Variants in TMEM132D observed in about 807,000 individuals in gnomAD.
The protein encoded by TMEM132D is transmembrane protein 132D.
TMEM132D carries 21 observed loss-of-function variants against 62.3 expected under a neutral mutation model. The observed-to-expected ratio is 0.34, with a 90% CI of 0.24 to 0.49. The LOEUF (loss-of-function observed/expected upper bound fraction) is 0.49. Among genes scored for constraint, TMEM132D ranks in the 20% least tolerant of loss-of-function variants. TMEM132D has a pLI of 0.99. For missense variants in TMEM132D, 1,346 were observed against 1,402.8 expected, an observed-to-expected ratio of 0.96 and a Z score of 0.65; for synonymous variants, 621 against 575.6, an observed-to-expected ratio of 1.08 and a Z score of -1.13.
intron 3 of TMEM132D, among the ~76,000 whole-genome samples, chr12:129,372,927 T>C (rs1870659679): frequency 6.6e-6 from 1 of 152,188 alleles, no homozygotes. Flanking sequence ...GGAAAAATTG[T>C]CTTCCACGAA....
intron 1 of TMEM132D, among the ~76,000 whole-genome samples, chr12:129,895,600 T>C (rs932469758): frequency 5.9e-5 from 9 of 152,246 alleles, no homozygotes; most frequent in Admixed American, 4.6e-4. Flanking sequence ...ATTTGAGCCA[T>C]GCTCGGGCAT....
intron 4 of TMEM132D, among the ~76,000 whole-genome samples, chr12:129,255,895 C>A (rs1880387639): frequency 6.6e-6 from 1 of 152,192 alleles, no homozygotes. Context: ...TATTCAAGAA[C>A]CAATTGCTAT....
At chr12:129,184,415 A>G (rs1878161899) in intron 5 of TMEM132D, among the ~76,000 whole-genome samples, 1 of 152,180 alleles carries the variant, frequency 6.6e-6, no homozygotes, top group Admixed American at 6.5e-5. Context: ...GGCTGTTTAC[A>G]AACAAAACAG....
At chr12:129,161,560 T>C (rs750208517) in intron 5 of TMEM132D, among the ~76,000 whole-genome samples, 1 of 152,246 alleles carries the variant, frequency 6.6e-6, no homozygotes, top group Non-Finnish European at 1.5e-5. Flanking sequence ...AGTAATTTCC[T>C]AAATCTATCA....
At chr12:129,780,596 G>A (rs1871091634) in intron 1 of TMEM132D, among the ~76,000 whole-genome samples, 1 of 152,006 alleles carries the variant, frequency 6.6e-6, no homozygotes, top group Admixed American at 6.6e-5. Context: ...TGCTTTACTT[G>A]CCTGGCTTTG....
At chr12:129,607,955 C>T (rs543922386) in intron 2 of TMEM132D, among the ~76,000 whole-genome samples, 23 of 152,260 alleles carry the variant, frequency 1.5e-4, no homozygotes, top group African/African-American at 5.5e-4. Flanking sequence ...CACTCAGCCC[C>T]CAGTGAATGT....
At chr12:129,118,440 C>T (rs1047080064) in intron 5 of TMEM132D, among the ~76,000 whole-genome samples, 2 of 152,230 alleles carry the variant, frequency 1.3e-5, no homozygotes, top group African/African-American at 4.8e-5. Flanking sequence ...CCAGCACTCC[C>T]TTGGAGCCAG....
chr12:129,845,934 G>A (rs573773156), intron 1 of TMEM132D, among the ~76,000 whole-genome samples: 26 of 152,312 alleles, frequency 1.7e-4, no homozygotes, highest in African/African-American at 6.3e-4. Flanking sequence ...TGCAAATTAA[G>A]GGGCAAGTTA....
At chr12:129,185,747 G>A (rs1171415721) in intron 5 of TMEM132D, among the ~76,000 whole-genome samples, 1 of 86,884 alleles carries the variant, frequency 1.2e-5, no homozygotes, top group Non-Finnish European at 2.6e-5. Context: ...CTATCTGCCT[G>A]TCTTTTATCC....
chr12:129,315,299 T>C (rs1323014942), intron 4 of TMEM132D, among the ~76,000 whole-genome samples: 1 of 152,214 alleles, frequency 6.6e-6, no homozygotes, highest in Admixed American at 6.5e-5. Flanking sequence ...ATGGCTTTTA[T>C]TACTTTAAGG....
At chr12:129,453,395 G>T (rs1429003274) in intron 3 of TMEM132D, among the ~76,000 whole-genome samples, 21 of 152,088 alleles carry the variant, frequency 1.4e-4, no homozygotes, top group Non-Finnish European at 3.1e-4. Context: ...AATCCAAACT[G>T]CATTCAAAGA....
At chr12:129,870,431 C>A (rs1874205624) in intron 1 of TMEM132D, among the ~76,000 whole-genome samples, 1 of 152,172 alleles carries the variant, frequency 6.6e-6, no homozygotes. Context: ...CATCGACTGC[C>A]CTTACATAAT....
rs11385383 is a variant in TMEM132D at position 129,424,707 on chromosome 12, CAAAAAAAAAAA to C, written c.1116-86901_1116-86891del. On this transcript the variant is annotated intron_variant, in intron 3 of 8. Transcript: ENST00000422113. Reference sequence around the variant, plus strand: ...TGGGTGACAGAGCGAGACTCCATCTCAAAAAAAAAAAAAAAAAAAAAAAAAGACATCTCAAC... The same window carrying C: ...TGGGTGACAGAGCGAGACTCCATCTCAAAAAAAAAAAAAAGACATCTCAAC... 3.5e-4 allele frequency among the ~76,000 whole-genome samples: 11 copies of C among 31,834 alleles called. No individual in the cohort carries two copies. In the Middle Eastern group the frequency reaches 0.048, roughly 140 times the overall value. The allele number at this position is 31,834 out of a possible 152,430, so 20.9% of individuals were successfully genotyped here.
rs1877644618 is a variant in TMEM132D, at chr12:129,169,107, C to T, written c.1443+40413G>A. On this transcript the variant is annotated intron_variant, in intron 5 of 8. Coordinates refer to ENST00000422113, the MANE Select transcript of TMEM132D (RefSeq NM_133448.3). ...AACTTCAACCCACAACCAAACCATC[C>T]AAAGAGCTTGTTAAAATGCAGATCT... Among the ~76,000 whole-genome samples, 3 of 152,136 alleles carry T rather than the reference C, an allele frequency of 2.0e-5. No individual in the cohort carries two copies. The South Asian group carries it at 6.2e-4, about 31-fold the overall frequency.
At chr12:129,711,485 G>A (rs1881643302) in intron 1 of TMEM132D, among the ~76,000 whole-genome samples, 2 of 152,172 alleles carry the variant, frequency 1.3e-5, no homozygotes, top group African/African-American at 2.4e-5. Context: ...CAGCACTTTG[G>A]GAGGCCATGG....
chr12:129,217,118 T>C (rs2135571413), intron 4 of TMEM132D, among the ~76,000 whole-genome samples: 1 of 152,204 alleles, frequency 6.6e-6, no homozygotes, highest in East Asian at 1.9e-4. Flanking sequence ...ATGAGTACGG[T>C]TAGAAGAAAT....
chr12:129,638,885 A>C (rs894786681), intron 2 of TMEM132D, among the ~76,000 whole-genome samples: 6 of 152,282 alleles, frequency 3.9e-5, no homozygotes, highest in African/African-American at 1.4e-4. Flanking sequence ...GGGGCAAATG[A>C]GAGTGCACAT....
At chr12:129,378,518 T>G (rs1310267559) in intron 3 of TMEM132D, among the ~76,000 whole-genome samples, 1 of 152,200 alleles carries the variant, frequency 6.6e-6, no homozygotes, top group African/African-American at 2.4e-5. Flanking sequence ...ATGAATAATT[T>G]CAAAGTAGTT....
chr12:129,623,896 A>C (rs150219078), intron 2 of TMEM132D, among the ~76,000 whole-genome samples: 1 of 152,068 alleles, frequency 6.6e-6, no homozygotes, highest in South Asian at 2.1e-4. Context: ...TGTCTTTATT[A>C]TATAATGATT....
Sources: allele counts gnomAD v4.1 joint callset (sites outside exome capture counted in the v4.1 genomes callset), GRCh38; gene constraint gnomAD v4.1.1; transcripts MANE v1.5; gene names NCBI Gene and HGNC (gene_info 2026-07-23, HGNC 2026-07-21).